The following ACER1 variants were observed in gnomAD, a reference collection of about 807,000 sequenced individuals.
ACER1 encodes the protein alkaline ceramidase 1.
ACER1 carries 28 observed loss-of-function variants against 24.9 expected under a neutral mutation model. The observed-to-expected ratio is 1.13, with a 90% CI of 0.83 to 1.54. The LOEUF is 1.54. ACER1 is among the 40% of genes most tolerant of loss of function. The pLI, the probability that ACER1 is intolerant of heterozygous loss-of-function variation, is 0.00. For synonymous variants in ACER1, 132 were observed against 131.4 expected, an observed-to-expected ratio of 1.00 and a Z score of -0.03; for missense variants, 352 against 349.3, an observed-to-expected ratio of 1.01 and a Z score of -0.06.
At chr19:6,319,344 C>G (rs1205145066) in intron 1 of ACER1, among the ~76,000 whole-genome samples, 1 of 152,110 alleles carries the variant, frequency 6.6e-6, no homozygotes, top group Non-Finnish European at 1.5e-5. Context: ...TCAGCCCCCA[C>G]GTTCCCTGCT....
intron 1 of ACER1, among the ~76,000 whole-genome samples, chr19:6,328,496 CAAAAAAAAAAAAA>C (rs1013111916): frequency 1.7e-4 from 7 of 41,232 alleles, no homozygotes; most frequent in Admixed American, 2.9e-4. Flanking sequence ...GACTCCATCT[CAAAAAAAAAAAAA>C]AAAAAAAAAA....
chr19:6,329,565 C>T (rs1174794731), intron 1 of ACER1, among the ~76,000 whole-genome samples: 1 of 151,994 alleles, frequency 6.6e-6, no homozygotes, highest in Non-Finnish European at 1.5e-5. Flanking sequence ...ACAACTGCAG[C>T]CTTACCCGGT....
the ACER1 span, among the ~76,000 whole-genome samples, chr19:6,347,218 C>CT: frequency 0.035 from 4,576 of 131,770 alleles, 256 homozygotes; most frequent in East Asian, 0.18. Flanking sequence ...CTTTTCTTTT[C>CT]TTTTTCTTTT....
intron 4 of ACER1, among the ~76,000 whole-genome samples, chr19:6,308,559 C>T (rs959902453): frequency 1.3e-5 from 2 of 152,038 alleles, no homozygotes; most frequent in Non-Finnish European, 2.9e-5. Flanking sequence ...TGGTAAGTGG[C>T]AGAGCTGGGA....
the ACER1 span, among the ~76,000 whole-genome samples, chr19:6,339,441 C>CG: frequency 6.0e-5 from 9 of 149,626 alleles, no homozygotes; most frequent in African/African-American, 2.2e-4. Context: ...GGAAGTAGAA[C>CG]GGGGGGTATG....
At chr19:6,308,863 A>C (rs2091563985) in intron 4 of ACER1, among the ~76,000 whole-genome samples, 1 of 151,904 alleles carries the variant, frequency 6.6e-6, no homozygotes, top group Non-Finnish European at 1.5e-5. Context: ...TTGTGGGGCT[A>C]TTTTCTCTGC....
rs1416670801 is a variant in ACER1, at chr19:6,323,189, GGC to G, written c.93+10268_93+10269del. Among the ~76,000 whole-genome samples the G allele has an allele frequency of 4.5e-3, 688 of 152,190 alleles. 7 individuals carry two copies. Among genetic ancestry groups the G allele is most frequent in the African/African-American group, 0.016 (666 of 41,538 alleles). ...TAATCCCAGCACTTTGGGAGGCCAA[GGC>G]AGGCAGATCACGAAGTCAGGAGATA... is the stretch of plus-strand genomic sequence containing the variant. On this transcript the variant is annotated intron_variant, in intron 1 of 5. Transcript: ENST00000301452.
chr19:6,344,162 G>A, the ACER1 span, among the ~76,000 whole-genome samples: 2 of 152,064 alleles, frequency 1.3e-5, no homozygotes, highest in African/African-American at 2.4e-5. Context: ...GCCAGGCGAC[G>A]GGAGGCTGAG....
the ACER1 span, among the ~76,000 whole-genome samples, chr19:6,346,368 C>T: frequency 6.6e-6 from 1 of 152,028 alleles, no homozygotes; most frequent in Non-Finnish European, 1.5e-5. Context: ...CTACTGCCTC[C>T]TCTACCTAAA....
At chr19:6,341,895 C>T in the ACER1 span, among the ~76,000 whole-genome samples, 1 of 152,170 alleles carries the variant, frequency 6.6e-6, no homozygotes, top group African/African-American at 2.4e-5. Context: ...TCCCAAAGTG[C>T]TAGGATTACA....
chr19:6,339,022 G>A, the ACER1 span, among the ~76,000 whole-genome samples: 5 of 151,642 alleles, frequency 3.3e-5, no homozygotes, highest in African/African-American at 9.7e-5. Context: ...GATTACAGGC[G>A]CCCACCACCA....
chr19:6,341,245 G>A, the ACER1 span, among the ~76,000 whole-genome samples: 1 of 149,502 alleles, frequency 6.7e-6, no homozygotes, highest in Admixed American at 6.6e-5. Flanking sequence ...AGGAGGTGGA[G>A]GTTGCAGTGA....
the ACER1 span, among the ~76,000 whole-genome samples, chr19:6,345,565 CTT>C: frequency 0.037 from 4,816 of 130,348 alleles, 286 homozygotes; most frequent in African/African-American, 0.13. Flanking sequence ...GTATTAGATT[CTT>C]TTTTTTTTTT....
upstream of ACER1, among the ~76,000 whole-genome samples, chr19:6,334,137 C>T (rs184788166): frequency 2.0e-5 from 3 of 151,496 alleles, no homozygotes; most frequent in East Asian, 2.0e-4. Context: ...CTCTGCCTCC[C>T]GTGTTCACGC....
chr19:6,317,198 T>C (rs981427928), intron 1 of ACER1, among the ~76,000 whole-genome samples: 5 of 152,178 alleles, frequency 3.3e-5, no homozygotes, highest in African/African-American at 9.6e-5. Flanking sequence ...GTTTTCAAAC[T>C]CCTGACCTCA....
intron 1 of ACER1, among the ~76,000 whole-genome samples, 187 bp from the exon 2 acceptor site, chr19:6,312,686 T>A (rs2091588075): frequency 1.4e-5 from 2 of 142,656 alleles, no homozygotes; most frequent in African/African-American, 2.6e-5. Flanking sequence ...TTTTTTTTTT[T>A]AGATGGAGTC....
At chr19:6,321,132 T>A (rs1206487699) in intron 1 of ACER1, among the ~76,000 whole-genome samples, 2 of 151,706 alleles carry the variant, frequency 1.3e-5, no homozygotes, top group Admixed American at 6.6e-5. Context: ...TTCCAGAAAA[T>A]TTTCTTTCTT....
rs192834260 is a variant in ACER1 at position 6,323,458 on chromosome 19, C to T, written c.93+10001G>A. Reference sequence around the variant, plus strand: ...AAAAAAGAAAAAAAAATGGGAGTTTCCCTGCACAAGCTCTTTCTCTTTGCC... The same window carrying T: ...AAAAAAGAAAAAAAAATGGGAGTTTTCCTGCACAAGCTCTTTCTCTTTGCC... On this transcript the variant is annotated intron_variant, in intron 1 of 5. Transcript: ENST00000301452. Among the ~76,000 whole-genome samples, 29 of 152,044 alleles carry T rather than the reference C, an allele frequency of 1.9e-4. No individual in the cohort carries two copies. In the East Asian group the frequency reaches 2.3e-3, roughly 12 times the overall value.
chr19:6,342,140 T>C, the ACER1 span, among the ~76,000 whole-genome samples: 5 of 152,176 alleles, frequency 3.3e-5, no homozygotes, highest in African/African-American at 1.2e-4. Context: ...ACAAAGGACA[T>C]TATTGGGTAA....
Sources: allele counts gnomAD v4.1 joint callset (sites outside exome capture counted in the v4.1 genomes callset), GRCh38; gene constraint gnomAD v4.1.1; transcripts MANE v1.5; gene names NCBI Gene and HGNC (gene_info 2026-07-23, HGNC 2026-07-21).